Variants in ZEB1 observed in about 807,000 individuals in gnomAD.
ZEB1 encodes the protein zinc finger E-box-binding homeobox 1.
Under a neutral mutation model 84.9 loss-of-function variants are expected in ZEB1, and 21 were observed. The ratio of observed to expected loss-of-function variants is 0.25; its 90% CI spans 0.18 to 0.36. The LOEUF (loss-of-function observed/expected upper bound fraction) is 0.36, where lower values mean the gene tolerates loss of function less well. Ranked by LOEUF, ZEB1 falls within the 10% of genes least tolerant of loss-of-function variation. The pLI is 1.00. For missense variants in ZEB1, 1,104 were observed against 1,330.2 expected (o/e 0.83, Z 2.65); for synonymous variants, 420 against 471.1 (o/e 0.89, Z 1.41).
At chr10:31,356,101 CTGATTA>C (rs2042078717) in intron 1 of ZEB1, among the ~76,000 whole-genome samples, 1 of 151,990 alleles carries the variant, frequency 6.6e-6, no homozygotes, top group Non-Finnish European at 1.5e-5. Flanking sequence ...CCTATAGAAT[CTGATTA>C]TAAGATTATC....
intron 1 of ZEB1, among the ~76,000 whole-genome samples, chr10:31,327,066 G>C (rs756260713): frequency 1.4e-5 from 2 of 143,166 alleles, no homozygotes; most frequent in African/African-American, 5.2e-5. Flanking sequence ...GTGCTACTTT[G>C]CTCTATCATT....
chr10:31,526,927 C>G lies in ZEB1; in HGVS notation c.3041C>G (p.Ala1014Gly), dbSNP rs2073559233. 3 of 1,613,872 alleles carry G rather than the reference C, an allele frequency of 1.9e-6. No homozygotes were observed. Among genetic ancestry groups the G allele is most frequent in the Non-Finnish European group, 1.7e-6 (2 of 1,180,024 alleles). Residue 1014 changes from alanine (A) to glycine (G), a missense_variant, in exon 9 of 9, where the codon GCC (alanine) becomes GGC (glycine). Ala to Gly is a moderately conservative substitution (Grantham distance 60). Transcript: ENST00000424869. ...ATCCTCTCGAATGAGCACGTGGGTG[C>G]CAGGGCGTCTCCCTCACAGGGCGAC... ...PEILSNEHVG[A>G]RASPSQGDSD...
At chr10:31,471,462 G>C (rs149412474) in intron 2 of ZEB1, among the ~76,000 whole-genome samples, 2,464 of 150,614 alleles carry the variant, frequency 0.016, 75 homozygotes, top group African/African-American at 0.057. Flanking sequence ...CAAAAGAGAC[G>C]AAGGCCATTA....
chr10:31,527,046 GAAA>G lies in ZEB1; in HGVS notation c.3163_3165del (p.Lys1055del). 6.3e-7 allele frequency: 1 copy of G among 1,585,028 alleles called. No homozygotes were observed. ...TAAAGAGATGGAAGAATTGCAGGAA[GAAA>G]AAGAATGTGAAAAACCACAAGGGGA... On this transcript the variant is annotated inframe_deletion, in exon 9 of 9. Transcript: ENST00000424869.
chr10:31,517,484 C>T (rs2071371705), intron 6 of ZEB1, among the ~76,000 whole-genome samples: 1 of 146,204 alleles, frequency 6.8e-6, no homozygotes, highest in Non-Finnish European at 1.5e-5. Context: ...TGCAGCCAAA[C>T]ACCCACCTTA....
intron 1 of ZEB1, among the ~76,000 whole-genome samples, chr10:31,422,834 C>G (rs942613026): frequency 4.6e-5 from 7 of 151,942 alleles, no homozygotes; most frequent in African/African-American, 1.7e-4. Flanking sequence ...TTTGTTCCCC[C>G]CTTTGGTTGT....
intron 1 of ZEB1, among the ~76,000 whole-genome samples, chr10:31,441,916 T>G (rs2059047956): frequency 1.3e-5 from 2 of 152,204 alleles, no homozygotes; most frequent in South Asian, 4.1e-4. Flanking sequence ...CAACAGGTAC[T>G]GGAGAGGATG....
intron 1 of ZEB1, among the ~76,000 whole-genome samples, chr10:31,379,308 G>T (rs189525298): frequency 2.5e-4 from 38 of 152,048 alleles, no homozygotes; most frequent in African/African-American, 8.0e-4. Flanking sequence ...CCCATAAACT[G>T]TCATCTCTTT....
At chr10:31,319,169 G>A (rs2032931409), upstream of ZEB1, 2 of 1,127,526 alleles carry the variant, frequency 1.8e-6, no homozygotes, top group South Asian at 1.3e-5. Context: ...GAGGCGGAGG[G>A]GTGGGGGGGA....
intron 2 of ZEB1, among the ~76,000 whole-genome samples, chr10:31,470,015 A>G (rs1482660295): frequency 1.3e-5 from 2 of 152,046 alleles, no homozygotes; most frequent in Non-Finnish European, 2.9e-5. Flanking sequence ...GTCTGTTAGA[A>G]GGAAAACTAA....
chr10:31,333,471 G>A (rs1476573257), intron 1 of ZEB1, among the ~76,000 whole-genome samples: 1 of 152,118 alleles, frequency 6.6e-6, no homozygotes, highest in African/African-American at 2.4e-5. Flanking sequence ...TAAAACTTGG[G>A]AGGAGGGTAA....
intron 1 of ZEB1, among the ~76,000 whole-genome samples, chr10:31,414,867 A>G (rs2054937172): frequency 6.6e-6 from 1 of 152,198 alleles, no homozygotes; most frequent in Non-Finnish European, 1.5e-5. Context: ...TTTTTGATTT[A>G]AATAAAGCAC....
intron 2 of ZEB1, among the ~76,000 whole-genome samples, chr10:31,490,714 G>A (rs1464034106): frequency 6.6e-6 from 1 of 151,486 alleles, no homozygotes; most frequent in East Asian, 1.9e-4. Context: ...TGTGACTTGA[G>A]ACTTTTTCTG....
At chr10:31,405,072 G>A (rs1353803151) in intron 1 of ZEB1, among the ~76,000 whole-genome samples, 1 of 152,122 alleles carries the variant, frequency 6.6e-6, no homozygotes, top group South Asian at 2.1e-4. Context: ...TTCTGCAGAT[G>A]AGAAATAACA....
At chr10:31,352,787 T>G (rs958564743) in intron 1 of ZEB1, among the ~76,000 whole-genome samples, 4 of 152,198 alleles carry the variant, frequency 2.6e-5, no homozygotes, top group Non-Finnish European at 4.4e-5. Flanking sequence ...AGGGCCATAT[T>G]TAGAAGTTAC....
At chr10:31,429,258 G>A (rs1228787615) in intron 1 of ZEB1, among the ~76,000 whole-genome samples, 1 of 152,034 alleles carries the variant, frequency 6.6e-6, no homozygotes, top group Non-Finnish European at 1.5e-5. Context: ...AGGCAGATGT[G>A]GTGGTAACAA....
intron 2 of ZEB1, among the ~76,000 whole-genome samples, chr10:31,473,507 G>A (rs1249889910): frequency 5.3e-5 from 8 of 152,114 alleles, no homozygotes; most frequent in African/African-American, 9.7e-5. Context: ...TACAAGGGAC[G>A]TGAAGGACCT....
At chr10:31,387,258 T>C in intron 1 of ZEB1, 4 of 985,790 alleles carry the variant, frequency 4.1e-6, no homozygotes, top group Non-Finnish European at 4.8e-6. Context: ...GCCACCTTGT[T>C]CTCTAAAGGT....
chr10:31,475,666 A>G (rs1281741035), intron 2 of ZEB1, among the ~76,000 whole-genome samples: 1 of 152,186 alleles, frequency 6.6e-6, no homozygotes, highest in East Asian at 1.9e-4. Context: ...AATGTCAGAC[A>G]TGAATTTTAT....
Sources: gnomAD v4.1 joint callset for allele counts (sites outside exome capture counted in the v4.1 genomes callset) on GRCh38, gnomAD v4.1.1 for gene constraint, MANE v1.5 for transcripts, NCBI Gene and HGNC (gene_info 2026-07-23, HGNC 2026-07-21) for gene names.